PDHX: variants seen among roughly 807,000 people sequenced by gnomAD.
PDHX encodes pyruvate dehydrogenase complex component X.
A neutral mutation model predicts 55.3 loss-of-function variants in PDHX; 33 were observed. The observed-to-expected ratio is 0.60, with a 90% CI of 0.45 to 0.80. The LOEUF is 0.80. Among genes scored for constraint, PDHX ranks in the 30% least tolerant of loss-of-function variants. The pLI is 0.00. For synonymous variants in PDHX, 226 were observed against 219.4 expected (o/e 1.03, Z -0.27); for missense variants, 622 against 619.9 (o/e 1.00, Z -0.04).
At chr11:34,979,594 G>T (rs1031951386) in intron 8 of PDHX, among the ~76,000 whole-genome samples, 1 of 152,072 alleles carries the variant, frequency 6.6e-6, no homozygotes, top group African/African-American at 2.4e-5. Context: ...AACTTAAAAA[G>T]CATGCCCTTT....
chr11:34,956,660 C>A (rs1287130560), intron 3 of PDHX, among the ~76,000 whole-genome samples: 1 of 151,914 alleles, frequency 6.6e-6, no homozygotes, highest in African/African-American at 2.4e-5. Context: ...AAAACATTAT[C>A]TTTGATTTTA....
chr11:34,971,149 A>T (rs1029793094), intron 7 of PDHX, among the ~76,000 whole-genome samples: 7 of 152,134 alleles, frequency 4.6e-5, no homozygotes, highest in African/African-American at 1.7e-4. Flanking sequence ...TTGATTTTAT[A>T]TTTCTTGTTC....
At chr11:34,994,608 C>T (rs1474933139) in intron 10 of PDHX, among the ~76,000 whole-genome samples, 2 of 152,126 alleles carry the variant, frequency 1.3e-5, no homozygotes, top group Admixed American at 1.3e-4. Context: ...TATAAGACCA[C>T]CGTTGTATAT....
chr11:34,939,614 A>G (rs12282419), intron 2 of PDHX, among the ~76,000 whole-genome samples: 28,492 of 151,844 alleles, frequency 0.19, 3,805 homozygotes, highest in African/African-American at 0.39. Flanking sequence ...GCCATGAACT[A>G]CCTGGGAGTG....
At chr11:34,935,646 G>A (rs558891906) in intron 2 of PDHX, among the ~76,000 whole-genome samples, 3 of 152,174 alleles carry the variant, frequency 2.0e-5, no homozygotes, top group Non-Finnish European at 2.9e-5. Flanking sequence ...GAGGAAAGAG[G>A]ATGAGTCTAC....
intron 1 of PDHX, among the ~76,000 whole-genome samples, chr11:34,927,589 T>G (rs1854054512): frequency 6.6e-6 from 1 of 152,104 alleles, no homozygotes; most frequent in Non-Finnish European, 1.5e-5. Flanking sequence ...GATTGTGTAA[T>G]TACTTTCCCA....
At chr11:34,938,209 A>G (rs913968443) in intron 2 of PDHX, among the ~76,000 whole-genome samples, 9 of 152,350 alleles carry the variant, frequency 5.9e-5, no homozygotes, top group African/African-American at 2.2e-4. Context: ...GGAAAATATG[A>G]AAGAGAAGTT....
intron 4 of PDHX, among the ~76,000 whole-genome samples, chr11:34,957,798 T>TA (rs2133973213): frequency 6.6e-6 from 1 of 152,264 alleles, no homozygotes; most frequent in South Asian, 2.1e-4. Flanking sequence ...ATGTTCCAGG[T>TA]ACTCTAAAAG....
rs369787288 is a variant in PDHX, at chr11:34,995,106, C to T, written c.1440C>T (p.Asp480=). The T allele has an allele frequency of 5.0e-5, 80 of 1,613,884 alleles. No homozygotes were observed. Among genetic ancestry groups the T allele is most frequent in the African/African-American group, 2.9e-4 (22 of 74,916 alleles). The part of the protein sequence containing the change: ...TMSSDSRVVD[D]ELATRFLKSF... ...CAAGTGACAGTCGAGTGGTTGATGACGAACTGGCAACCAGGTTTCTTAAAA... is the reference window on the plus strand; with the variant it reads ...CAAGTGACAGTCGAGTGGTTGATGATGAACTGGCAACCAGGTTTCTTAAAA... The change falls in exon 11 of 11, where the codon GAC becomes GAT. Residue 480 remains aspartate, a synonymous_variant. Coordinates refer to ENST00000227868, the MANE Select transcript of PDHX (RefSeq NM_003477.3).
chr11:34,927,919 A>G (rs959052497), intron 1 of PDHX, among the ~76,000 whole-genome samples: 1 of 152,144 alleles, frequency 6.6e-6, no homozygotes, highest in Non-Finnish European at 1.5e-5. Context: ...TAATTCAGAT[A>G]AGCAATTTCA....
chr11:34,915,925 C>T (rs1853669629), upstream of PDHX: 6 of 490,940 alleles, frequency 1.2e-5, no homozygotes, highest in East Asian at 2.2e-4. Context: ...GCCTGCCTTC[C>T]TGATAAATAC....
chr11:34,915,998 C>T (rs1853672586), upstream of PDHX: 2 of 598,558 alleles, frequency 3.3e-6, no homozygotes, highest in East Asian at 3.0e-5. Context: ...CGTTTGGCGC[C>T]CAGCTCCCGC....
chr11:34,922,367 G>A (rs1853904277), intron 1 of PDHX, among the ~76,000 whole-genome samples: 1 of 152,148 alleles, frequency 6.6e-6, no homozygotes, highest in Non-Finnish European at 1.5e-5. Context: ...TATATACTAT[G>A]CACCCTTGTA....
intron 8 of PDHX, among the ~76,000 whole-genome samples, chr11:34,979,682 A>G (rs984203146): frequency 6.6e-6 from 1 of 152,088 alleles, no homozygotes; most frequent in Non-Finnish European, 1.5e-5. Flanking sequence ...TAATTAATTG[A>G]CTATTATTGT....
At chr11:34,987,729 A>AGTGTGTGT (rs112490795) in intron 9 of PDHX, among the ~76,000 whole-genome samples, 507 of 149,596 alleles carry the variant, frequency 3.4e-3, no homozygotes, top group African/African-American at 0.01. Flanking sequence ...AGAAACCCTG[A>AGTGTGTGT]GTGTGTGTGT....
chr11:34,972,554 T>C lies in PDHX; in HGVS notation c.964+2268T>C, dbSNP rs77455824. Among the ~76,000 whole-genome samples the C allele has an allele frequency of 5.3e-4, 80 of 152,046 alleles. No homozygotes were observed. In the East Asian group the frequency reaches 0.015, roughly 28 times the overall value. On this transcript the variant is annotated intron_variant, in intron 7 of 10. Transcript: ENST00000227868. ...CTAGGATTACAGGCACAAACCACCA[T>C]GCCTGGCTAATTGTTTGTATTTTTA...
At chr11:34,921,446 C>G (rs536345695) in intron 1 of PDHX, among the ~76,000 whole-genome samples, 1 of 151,506 alleles carries the variant, frequency 6.6e-6, no homozygotes, top group Admixed American at 6.6e-5. Flanking sequence ...AATAGAGAAA[C>G]TGACCCAAAG....
chr11:34,970,894 T>C (rs1855243914), intron 7 of PDHX, among the ~76,000 whole-genome samples: 1 of 152,154 alleles, frequency 6.6e-6, no homozygotes, highest in African/African-American at 2.4e-5. Flanking sequence ...TATAATTTGG[T>C]TGGTTAGTTT....
At chr11:34,955,810 CTTTT>C (rs59718767) in intron 3 of PDHX, among the ~76,000 whole-genome samples, 87,894 of 151,138 alleles carry the variant, frequency 0.58, 27,584 homozygotes, top group East Asian at 0.74. Context: ...TAAAGCAAAA[CTTTT>C]TTTAATGCTT....
Sources: gnomAD v4.1 joint callset for allele counts (sites outside exome capture counted in the v4.1 genomes callset) on GRCh38, gnomAD v4.1.1 for gene constraint, MANE v1.5 for transcripts, NCBI Gene and HGNC (gene_info 2026-07-23, HGNC 2026-07-21) for gene names.